The following ERICH5 variants were observed in gnomAD, a reference collection of about 807,000 sequenced individuals.
ERICH5 encodes glutamate-rich protein 5.
In ERICH5, 24 loss-of-function variants were observed where a neutral mutation model predicts 28.0. The observed-to-expected ratio is 0.86, with a 90% CI of 0.62 to 1.21. The LOEUF (loss-of-function observed/expected upper bound fraction) is 1.21. ERICH5 is among the 50% of genes most tolerant of loss of function. The pLI is 0.00. For missense variants in ERICH5, 421 were observed against 441.2 expected, an observed-to-expected ratio of 0.95 and a Z score of 0.41; for synonymous variants, 163 against 157.6, an observed-to-expected ratio of 1.03 and a Z score of -0.25.
At chr8:98,080,580 TCTC>T (rs1039889856) in intron 1 of ERICH5, among the ~76,000 whole-genome samples, 2 of 151,908 alleles carry the variant, frequency 1.3e-5, no homozygotes, top group South Asian at 2.1e-4. Context: ...TTCTTCTCCT[TCTC>T]CTTCTTCTCC....
chr8:98,085,222 G>A (rs1315506616), intron 1 of ERICH5, among the ~76,000 whole-genome samples: 2 of 125,548 alleles, frequency 1.6e-5, no homozygotes, highest in African/African-American at 6.2e-5. Context: ...GTGCAGTGAC[G>A]CGATCTCGGC....
rs1207083037 is a variant in ERICH5, at chr8:98,070,678, AAAAAGAAAAG to A, written c.58+5961_58+5970del. 7.3e-4 allele frequency among the ~76,000 whole-genome samples: 105 copies of A among 142,874 alleles called. 3 individuals carry two copies. The highest frequency in any genetic ancestry group is 2.7e-3 in the African/African-American group (99 of 37,010). 93.7% of individuals were successfully genotyped at this position (142,874 alleles called of 152,430 possible). A position where few individuals can be genotyped will look rare whatever the true frequency, so the allele number is the denominator to read the frequency against. Reference sequence around the variant, plus strand: ...TGCATCTCAAAAAAAAAAAAAAAAAAAAAAGAAAAGAAAAGAAAAAGAAAAGAGAATGAAA... The same window carrying A: ...TGCATCTCAAAAAAAAAAAAAAAAAAAAAAGAAAAAGAAAAGAGAATGAAA... On this transcript the variant is annotated intron_variant, in intron 1 of 2. Coordinates refer to ENST00000318528, the MANE Select transcript of ERICH5 (RefSeq NM_173549.3).
chr8:98,081,982 G>A lies in ERICH5; in HGVS notation c.59-7094G>A, dbSNP rs576776121. ...TAGGTCTATAGGTGTCCTTTTCAAGGTCATAAAGTGTCTGTCCTCTTAGAG... is the reference window on the plus strand; with the variant it reads ...TAGGTCTATAGGTGTCCTTTTCAAGATCATAAAGTGTCTGTCCTCTTAGAG... On this transcript the variant is annotated intron_variant, in intron 1 of 2. Coordinates refer to ENST00000318528, the MANE Select transcript of ERICH5 (RefSeq NM_173549.3). Among the ~76,000 whole-genome samples the A allele has an allele frequency of 3.9e-5, 6 of 151,986 alleles. No individual in the cohort carries two copies. In the South Asian group the frequency reaches 1.2e-3, roughly 32 times the overall value.
At position 98,072,357 on chromosome 8, in the gene ERICH5, G is replaced by A. The variant is rs114768518; in HGVS notation, c.58+7630G>A. Among the ~76,000 whole-genome samples, 351 of 152,272 alleles carry A rather than the reference G, an allele frequency of 2.3e-3. 2 individuals carry two copies. Among genetic ancestry groups the A allele is most frequent in the African/African-American group, 7.9e-3 (329 of 41,550 alleles). ...AAAGGATCAGGAAGTGTTGGTGGCC[G>A]GGTGCAGTGGCTCATGCCTGTGAGC... On this transcript the variant is annotated intron_variant, in intron 1 of 2. Transcript: ENST00000318528.
At chr8:98,091,444 G>A (rs1364317684) in intron 2 of ERICH5, among the ~76,000 whole-genome samples, 2 of 152,138 alleles carry the variant, frequency 1.3e-5, no homozygotes, top group Non-Finnish European at 2.9e-5. Flanking sequence ...ACTTGGGAGA[G>A]GCAAATAAAA....
chr8:98,082,085 C>T (rs1410300940), intron 1 of ERICH5, among the ~76,000 whole-genome samples: 1 of 152,050 alleles, frequency 6.6e-6, no homozygotes, highest in East Asian at 1.9e-4. Flanking sequence ...GAAATACAGC[C>T]ATTTCAAAAT....
rs908085798 is a variant in ERICH5, at chr8:98,069,131, AT to A, written c.58+4412del. Among the ~76,000 whole-genome samples, 11 of 152,154 alleles carry A rather than the reference AT, an allele frequency of 7.2e-5. 1 individual carries two copies. Among genetic ancestry groups the A allele is most frequent in the African/African-American group, 2.6e-4 (11 of 41,514 alleles). ...TGCATATAGAAATTATATAAATGGG[AT>A]TTTTTTTCTTTCAAATGTGTGCCTT... is the stretch of plus-strand genomic sequence containing the variant. On this transcript the variant is annotated intron_variant, in intron 1 of 2. Coordinates refer to ENST00000318528, the MANE Select transcript of ERICH5 (RefSeq NM_173549.3).
At chr8:98,069,442 C>T (rs1814871127) in intron 1 of ERICH5, among the ~76,000 whole-genome samples, 1 of 151,594 alleles carries the variant, frequency 6.6e-6, no homozygotes, top group South Asian at 2.1e-4. Flanking sequence ...ATTTCCTTCT[C>T]TCATCTTTAT....
chr8:98,084,475 C>T (rs936636449), intron 1 of ERICH5, among the ~76,000 whole-genome samples: 2 of 151,884 alleles, frequency 1.3e-5, no homozygotes, highest in Non-Finnish European at 2.9e-5. Context: ...CTCTGCCGCC[C>T]GGGTTCAATT....
intron 1 of ERICH5, among the ~76,000 whole-genome samples, chr8:98,074,975 C>T (rs1309163476): frequency 6.6e-6 from 1 of 152,106 alleles, no homozygotes; most frequent in Non-Finnish European, 1.5e-5. Context: ...CTCAGATTGT[C>T]CTTGTTTTTG....
At chr8:98,092,175 T>C (rs1403220243) in intron 2 of ERICH5, among the ~76,000 whole-genome samples, 1 of 151,802 alleles carries the variant, frequency 6.6e-6, no homozygotes, top group Non-Finnish European at 1.5e-5. Context: ...TTTTTTTTTC[T>C]TTTAAAAAAT....
At chr8:98,079,016 A>G (rs1240380835) in intron 1 of ERICH5, among the ~76,000 whole-genome samples, 1 of 152,216 alleles carries the variant, frequency 6.6e-6, no homozygotes, top group African/African-American at 2.4e-5. Context: ...GATTCACAAA[A>G]TCATACGGAC....
In ERICH5 at chr8:98,066,745, G is replaced by T. The variant is rs923349012; in HGVS notation, c.58+2018G>T. On this transcript the variant is annotated intron_variant, in intron 1 of 2. Coordinates refer to ENST00000318528, the MANE Select transcript of ERICH5 (RefSeq NM_173549.3). ...ACAGGTCTATTTGCTTCTAACCCTC[G>T]ATCAAACAATACTCTCTTGTAATTA... Among the ~76,000 whole-genome samples, 5 of 152,190 alleles carry T rather than the reference G, an allele frequency of 3.3e-5. 1 individual carries two copies. The Middle Eastern group carries it at 0.014, about 414-fold the overall frequency.
chr8:98,071,918 T>A (rs1814926615), intron 1 of ERICH5, among the ~76,000 whole-genome samples: 1 of 124,398 alleles, frequency 8.0e-6, no homozygotes, highest in Non-Finnish European at 1.8e-5. Flanking sequence ...TTATTTTATT[T>A]TTTTTTTTTG....
At chr8:98,085,337 G>A (rs1397084724) in intron 1 of ERICH5, among the ~76,000 whole-genome samples, 1 of 150,962 alleles carries the variant, frequency 6.6e-6, no homozygotes, top group Admixed American at 6.6e-5. Context: ...ATTTTTTTTT[G>A]TATTTTTAGT....
chr8:98,084,214 G>A (rs1563756801), intron 1 of ERICH5, among the ~76,000 whole-genome samples: 1 of 151,698 alleles, frequency 6.6e-6, no homozygotes, highest in East Asian at 1.9e-4. Context: ...CAGCATCAGA[G>A]CTATGAACCA....
At chr8:98,082,495 A>G (rs771538668) in intron 1 of ERICH5, among the ~76,000 whole-genome samples, 33 of 151,982 alleles carry the variant, frequency 2.2e-4, no homozygotes, top group Non-Finnish European at 3.7e-4. Context: ...AAAATACAAA[A>G]TTAGCCAGGT....
In ERICH5 at chr8:98,072,224, A is replaced by T. The variant is rs756981152; in HGVS notation, c.58+7497A>T. 2.0e-5 allele frequency among the ~76,000 whole-genome samples: 3 copies of T among 152,348 alleles called. 1 individual carries two copies. The East Asian group carries it at 5.8e-4, about 29-fold the overall frequency. ...CATGCCAGCATTTCTCCTAGCCTTTAGGGCAGCCAGGTGGGATCCTGACAG... is the reference window on the plus strand; with the variant it reads ...CATGCCAGCATTTCTCCTAGCCTTTTGGGCAGCCAGGTGGGATCCTGACAG... On this transcript the variant is annotated intron_variant, in intron 1 of 2. Coordinates refer to ENST00000318528, the MANE Select transcript of ERICH5 (RefSeq NM_173549.3).
chr8:98,088,302 C>T (rs2514341), intron 1 of ERICH5, among the ~76,000 whole-genome samples: 148,055 of 152,312 alleles, frequency 0.97, 72,095 homozygotes, highest in Non-Finnish European at 1. Context: ...TAAACTATCA[C>T]GCCTCATGCA....
Sources: gnomAD v4.1 joint callset for allele counts (sites outside exome capture counted in the v4.1 genomes callset) on GRCh38, gnomAD v4.1.1 for gene constraint, MANE v1.5 for transcripts, NCBI Gene and HGNC (gene_info 2026-07-23, HGNC 2026-07-21) for gene names.